Variants in SH3GL2 observed in about 807,000 individuals in gnomAD.
SH3GL2 encodes the protein SH3 domain containing GRB2 like 2, endophilin A1, also known as endophilin-A1.
SH3GL2 carries 24 observed loss-of-function variants against 46.0 expected under a neutral mutation model. The ratio of observed to expected loss-of-function variants is 0.52; its 90% CI spans 0.38 to 0.73. SH3GL2 has a LOEUF of 0.73. SH3GL2 is among the 30% of genes least tolerant of loss of function. The probability of loss-of-function intolerance (pLI) is 0.00; values close to 1 mark genes in which losing one functional copy is unlikely to be tolerated. For missense variants in SH3GL2, 413 were observed against 424.2 expected (o/e 0.97, Z 0.23); for synonymous variants, 196 against 147.1 (o/e 1.33, Z -2.40).
chr9:17,792,593 A>G (rs1824163342), intron 7 of SH3GL2, among the ~76,000 whole-genome samples: 1 of 152,026 alleles, frequency 6.6e-6, no homozygotes, highest in Non-Finnish European at 1.5e-5. Context: ...TATATTTCAA[A>G]CTGCTCATTC....
At chr9:17,630,753 A>G (rs756014143) in intron 1 of SH3GL2, among the ~76,000 whole-genome samples, 1 of 152,158 alleles carries the variant, frequency 6.6e-6, no homozygotes, top group African/African-American at 2.4e-5. Flanking sequence ...TTATGCAATA[A>G]TGTAGCCTTT....
At chr9:17,789,132 C>T (rs894577565) in intron 5 of SH3GL2, among the ~76,000 whole-genome samples, 1 of 152,328 alleles carries the variant, frequency 6.6e-6, no homozygotes, top group South Asian at 2.1e-4. Flanking sequence ...TTTGGCCTGA[C>T]AAGGCCAGAA....
chr9:17,583,320 G>C (rs1818313082), intron 1 of SH3GL2, among the ~76,000 whole-genome samples: 1 of 152,156 alleles, frequency 6.6e-6, no homozygotes, highest in Non-Finnish European at 1.5e-5. Flanking sequence ...CAATGTGACA[G>C]TATTAAGAAA....
chr9:17,579,523 C>T (rs1413609389), intron 1 of SH3GL2, among the ~76,000 whole-genome samples: 1 of 152,052 alleles, frequency 6.6e-6, no homozygotes, highest in Non-Finnish European at 1.5e-5. Context: ...TCCCCGGCGT[C>T]CTGCCTGGTA....
rs575767112 is a variant in SH3GL2 at position 17,579,272 on chromosome 9, C to T, written c.30C>T (p.Phe10=). The T allele has an allele frequency of 8.9e-6, 14 of 1,566,730 alleles. No individual in the cohort carries two copies. The highest frequency in any genetic ancestry group is 7.2e-5 in the Admixed American group (4 of 55,624). MSVAGLKKQ[F]HKATQKVSEK... The stretch of plus-strand genomic sequence containing the variant: ...CGGTGGCCGGCCTCAAGAAGCAGTT[C>T]CATAAAGCCACTCAGGTAAGGCGCG... Residue 10 remains phenylalanine (F), a synonymous_variant, in exon 1 of 9, where the codon TTC becomes TTT. Transcript: ENST00000380607.
chr9:17,734,670 C>G (rs1005471778), intron 1 of SH3GL2, among the ~76,000 whole-genome samples: 2 of 151,984 alleles, frequency 1.3e-5, no homozygotes, highest in African/African-American at 4.8e-5. Flanking sequence ...ACCTTGAAAA[C>G]ATAATGCTAT....
At chr9:17,615,423 G>A (rs556671785) in intron 1 of SH3GL2, among the ~76,000 whole-genome samples, 6 of 152,166 alleles carry the variant, frequency 3.9e-5, no homozygotes, top group African/African-American at 7.2e-5. Flanking sequence ...TTGAGAGGCC[G>A]AGGTGGGCGG....
At chr9:17,670,558 A>C (rs1279785980) in intron 1 of SH3GL2, among the ~76,000 whole-genome samples, 1 of 152,224 alleles carries the variant, frequency 6.6e-6, no homozygotes. Flanking sequence ...CAGTTGTATT[A>C]TGCCAGTGAT....
intron 1 of SH3GL2, among the ~76,000 whole-genome samples, chr9:17,690,036 G>A (rs1821032016): frequency 6.6e-6 from 1 of 152,022 alleles, no homozygotes; most frequent in Non-Finnish European, 1.5e-5. Flanking sequence ...TCCTCTGAAT[G>A]CTTAACCGCA....
intron 1 of SH3GL2, chr9:17,590,734 A>G (rs1237144004): frequency 2.0e-5 from 3 of 152,206 alleles, no homozygotes; most frequent in Admixed American, 1.3e-4. Context: ...TAAATTGTTC[A>G]GAAGATATTT....
chr9:17,778,341 G>C (rs935920030), intron 3 of SH3GL2, among the ~76,000 whole-genome samples: 3 of 152,170 alleles, frequency 2.0e-5, no homozygotes, highest in African/African-American at 7.2e-5. Context: ...CTATACTCTG[G>C]AAGGATGAGA....
At chr9:17,693,707 C>G (rs933330355) in intron 1 of SH3GL2, among the ~76,000 whole-genome samples, 2 of 152,118 alleles carry the variant, frequency 1.3e-5, no homozygotes, top group African/African-American at 4.8e-5. Flanking sequence ...TTTTCAAGAA[C>G]CAAAGTTGCT....
At chr9:17,640,687 T>C (rs1203811457) in intron 1 of SH3GL2, among the ~76,000 whole-genome samples, 1 of 152,206 alleles carries the variant, frequency 6.6e-6, no homozygotes, top group Non-Finnish European at 1.5e-5. Flanking sequence ...CCATAACACT[T>C]CTCATTTCTC....
At chr9:17,655,951 G>A (rs1011430051) in intron 1 of SH3GL2, among the ~76,000 whole-genome samples, 3 of 152,090 alleles carry the variant, frequency 2.0e-5, no homozygotes, top group Admixed American at 2.0e-4. Flanking sequence ...AGCCCAACTT[G>A]GCACATTTTA....
rs762920242 is a variant in SH3GL2 at position 17,614,295 on chromosome 9, G to GGAAAAAAAAAAAAAAAAAAAAAAAA, written c.45+35008_45+35009insGAAAAAAAAAAAAAAAAAAAAAAAA. On this transcript the variant is annotated intron_variant, in intron 1 of 8. Coordinates refer to ENST00000380607, the MANE Select transcript of SH3GL2 (RefSeq NM_003026.5). ...GTGACAGGGAACATGCATGGTTTCT[G>GGAAAAAAAAAAAAAAAAAAAAAAAA]AAAAAAAAAAAAAAAAAAAAAAAAA... Among the ~76,000 whole-genome samples, 36 of 70,304 alleles carry GGAAAAAAAAAAAAAAAAAAAAAAAA rather than the reference G, an allele frequency of 5.1e-4. 3 individuals are homozygous for GGAAAAAAAAAAAAAAAAAAAAAAAA. Among genetic ancestry groups the GGAAAAAAAAAAAAAAAAAAAAAAAA allele is most frequent in the African/African-American group, 2.1e-3 (36 of 17,356 alleles). 46.1% of individuals were successfully genotyped at this position (70,304 alleles called of 152,430 possible). A position where few individuals can be genotyped will look rare whatever the true frequency, so the allele number is the denominator to read the frequency against.
intron 2 of SH3GL2, among the ~76,000 whole-genome samples, chr9:17,749,937 A>G (rs1485167539): frequency 6.6e-6 from 1 of 152,180 alleles, no homozygotes; most frequent in African/African-American, 2.4e-5. Context: ...TAAACATCTG[A>G]TTGACTGAAG....
intron 1 of SH3GL2, among the ~76,000 whole-genome samples, chr9:17,707,104 G>A (rs919067207): frequency 6.6e-6 from 1 of 152,012 alleles, no homozygotes; most frequent in African/African-American, 2.4e-5. Context: ...GTAATGGGGG[G>A]AACTTGTGCT....
intron 1 of SH3GL2, among the ~76,000 whole-genome samples, chr9:17,669,874 T>A (rs1820430771): frequency 6.6e-6 from 1 of 152,038 alleles, no homozygotes; most frequent in African/African-American, 2.4e-5. Flanking sequence ...AGGGTGAAGT[T>A]TAGAGCAGAA....
At chr9:17,647,693 G>A (rs1487616089) in intron 1 of SH3GL2, among the ~76,000 whole-genome samples, 2 of 152,012 alleles carry the variant, frequency 1.3e-5, no homozygotes, top group East Asian at 1.9e-4. Flanking sequence ...CGTAGAGGAG[G>A]GATTATAAAG....
Sources: allele counts gnomAD v4.1 joint callset (sites outside exome capture counted in the v4.1 genomes callset), GRCh38; gene constraint gnomAD v4.1.1; transcripts MANE v1.5; gene names NCBI Gene and HGNC (gene_info 2026-07-23, HGNC 2026-07-21).